Variants in MKLN1 observed in about 807,000 individuals in gnomAD.
MKLN1 encodes muskelin.
MKLN1 carries 18 observed loss-of-function variants against 99.0 expected under a neutral mutation model. That is an observed-to-expected ratio of 0.18 (90% CI 0.13 to 0.27). The LOEUF is 0.27. MKLN1 is among the 10% of genes least tolerant of loss of function. MKLN1 has a pLI of 1.00. For synonymous variants in MKLN1, 288 were observed against 293.2 expected, an observed-to-expected ratio of 0.98 and a Z score of 0.18; for missense variants, 621 against 875.9, an observed-to-expected ratio of 0.71 and a Z score of 3.67.
At chr7:131,447,054 G>T (rs562179834) in intron 12 of MKLN1, among the ~76,000 whole-genome samples, 6 of 152,196 alleles carry the variant, frequency 3.9e-5, no homozygotes, top group African/African-American at 1.4e-4. Flanking sequence ...TATAAAAAAG[G>T]AGACATTATC....
chr7:131,377,968 T>C (rs1373056308), intron 2 of MKLN1, among the ~76,000 whole-genome samples: 2 of 152,194 alleles, frequency 1.3e-5, no homozygotes, highest in East Asian at 3.8e-4. Context: ...TACTCAAATA[T>C]AACTGGGGTT....
chr7:131,451,436 G>A (rs1302260872), intron 12 of MKLN1, among the ~76,000 whole-genome samples: 6 of 151,938 alleles, frequency 3.9e-5, no homozygotes, highest in Admixed American at 6.6e-5. Context: ...TGAGATCACC[G>A]AGATGGTATA....
chr7:131,347,495 A>T lies in MKLN1; in HGVS notation c.98+19498A>T, dbSNP rs369351549. ...CTGAACCAAGAAGCCAAACAAAAAC[A>T]AAAAAAACCCAAAGACAAAAAACCC... On this transcript the variant is annotated intron_variant, in intron 1 of 17. Coordinates refer to ENST00000352689, the MANE Select transcript of MKLN1 (RefSeq NM_013255.5). 6.1e-4 allele frequency among the ~76,000 whole-genome samples: 92 copies of T among 152,032 alleles called. 1 individual carries two copies. Among genetic ancestry groups the T allele is most frequent in the Admixed American group, 2.2e-3 (33 of 15,250 alleles).
At chr7:131,189,492 T>C (rs961762257) in intron 2 of MKLN1, among the ~76,000 whole-genome samples, 2 of 151,296 alleles carry the variant, frequency 1.3e-5, no homozygotes, top group Non-Finnish European at 2.9e-5. Flanking sequence ...CTTCTTACGG[T>C]ATTTCAGAAT....
intron 1 of MKLN1, among the ~76,000 whole-genome samples, chr7:131,122,491 C>T (rs1451848345): frequency 6.6e-6 from 1 of 152,086 alleles, no homozygotes; most frequent in Non-Finnish European, 1.5e-5. Flanking sequence ...TAGGTGATGA[C>T]GAAAAGGGCA....
chr7:131,382,277 A>G (rs1447214661), intron 2 of MKLN1, among the ~76,000 whole-genome samples: 1 of 152,194 alleles, frequency 6.6e-6, no homozygotes, highest in Admixed American at 6.5e-5. Flanking sequence ...AGGCACAAGA[A>G]TCACTTGAAC....
chr7:131,330,826 T>C (rs1283121239), intron 1 of MKLN1, among the ~76,000 whole-genome samples: 1 of 152,200 alleles, frequency 6.6e-6, no homozygotes, highest in Non-Finnish European at 1.5e-5. Flanking sequence ...CAACTCTTTT[T>C]AATTTATTTG....
At chr7:131,308,225 C>T (rs1489406957) in intron 3 of MKLN1, among the ~76,000 whole-genome samples, 1 of 151,724 alleles carries the variant, frequency 6.6e-6, no homozygotes, top group South Asian at 2.1e-4. Context: ...GAGTCAATTA[C>T]ACCTCTTTTC....
Position 131,344,079 on chromosome 7 carries a change from A to G in MKLN1, c.98+16082A>G, listed in dbSNP as rs150382444. 3.2e-4 allele frequency among the ~76,000 whole-genome samples: 48 copies of G among 152,342 alleles called. No individual in the cohort carries two copies. The East Asian group carries it at 8.5e-3, about 27-fold the overall frequency. ...GATTCAATTTATATTTTAAAAACACAGACACATGATTTGTATGCCTGTGTA... is the reference window on the plus strand; with the variant it reads ...GATTCAATTTATATTTTAAAAACACGGACACATGATTTGTATGCCTGTGTA... On this transcript the variant is annotated intron_variant, in intron 1 of 17. Transcript: ENST00000352689.
chr7:131,376,288 C>T (rs1584669798), intron 2 of MKLN1, among the ~76,000 whole-genome samples: 3 of 144,272 alleles, frequency 2.1e-5, no homozygotes, highest in South Asian at 2.2e-4. Flanking sequence ...CATAAGGAGG[C>T]GAGGCTAGGC....
At chr7:131,333,476 A>C (rs1182990275) in intron 1 of MKLN1, among the ~76,000 whole-genome samples, 1 of 148,832 alleles carries the variant, frequency 6.7e-6, no homozygotes, top group Admixed American at 6.6e-5. Context: ...GTTTTATTTT[A>C]TTTTCATTTG....
chr7:131,420,125 C>A (rs1460986639), intron 8 of MKLN1, among the ~76,000 whole-genome samples: 1 of 151,226 alleles, frequency 6.6e-6, no homozygotes, highest in Non-Finnish European at 1.5e-5. Context: ...ACCAACATGG[C>A]AAATGTATAC....
Position 131,400,689 on chromosome 7 carries a change from A to G in MKLN1, c.703+1256A>G, listed in dbSNP as rs190157536. Among the ~76,000 whole-genome samples the G allele has an allele frequency of 1.5e-3, 230 of 151,956 alleles. 4 individuals carry two copies. The highest frequency in any genetic ancestry group is 5.2e-3 in the African/African-American group (216 of 41,502). On this transcript the variant is annotated intron_variant, in intron 6 of 17. Transcript: ENST00000352689. Reference sequence around the variant, plus strand: ...GTGAAGGGAAAGCAAAACAACAGCCACAGGCAACTCTACAGTTAATAAGCT... The same window carrying G: ...GTGAAGGGAAAGCAAAACAACAGCCGCAGGCAACTCTACAGTTAATAAGCT...
chr7:131,235,330 A>G (rs912580108), intron 3 of MKLN1, among the ~76,000 whole-genome samples: 4 of 151,282 alleles, frequency 2.6e-5, no homozygotes, highest in Non-Finnish European at 5.9e-5. Flanking sequence ...AGAGAGGGAG[A>G]GAGAGAGAGA....
intron 3 of MKLN1, among the ~76,000 whole-genome samples, chr7:131,241,350 C>T (rs924544528): frequency 6.8e-6 from 1 of 147,462 alleles, no homozygotes; most frequent in African/African-American, 2.5e-5. Flanking sequence ...TGCACTCCAG[C>T]CTGGAAGACA....
intron 15 of MKLN1, among the ~76,000 whole-genome samples, chr7:131,468,085 G>A (rs1297884890): frequency 2.6e-5 from 4 of 152,174 alleles, no homozygotes; most frequent in Non-Finnish European, 5.9e-5. Flanking sequence ...GGCAGAGGAA[G>A]AGACACTCCA....
At chr7:131,292,505 A>G (rs1364946888) in intron 3 of MKLN1, among the ~76,000 whole-genome samples, 1 of 152,190 alleles carries the variant, frequency 6.6e-6, no homozygotes, top group African/African-American at 2.4e-5. Context: ...TAATTAGTCA[A>G]GATACTGGAG....
At position 131,327,939 on chromosome 7, in the gene MKLN1, C is replaced by A. The variant is rs762523499; in HGVS notation, c.40C>A (p.Arg14=). The A allele has an allele frequency of 1.2e-6, 2 of 1,613,476 alleles. No individual in the cohort carries two copies. The highest frequency in any genetic ancestry group is 1.7e-6 in the Non-Finnish European group (2 of 1,179,850). ...AGCTGTCGCTGCGGCGCCCGAGTGCCGGCTTCTCCCCTACGCGCTACACAA... is the reference window on the plus strand; with the variant it reads ...AGCTGTCGCTGCGGCGCCCGAGTGCAGGCTTCTCCCCTACGCGCTACACAA... ...GGAVAAAPEC[R]LLPYALHKWS... is the part of the protein sequence containing the mutation. The change falls in exon 1 of 18, where the codon CGG becomes AGG. Residue 14 remains arginine, a synonymous_variant. Transcript: ENST00000352689.
Position 131,211,603 on chromosome 7 carries a change from T to TG in MKLN1, c.-179+8629_-179+8630insG, listed in dbSNP as rs202225730. On this transcript the variant is annotated intron_variant, in intron 3 of 7. Transcript: ENST00000416992. ...TAATTTATTACAACCAACCCTTGTG[T>TG]TTTTTTTTTTTTAACAGTTTTGGAT... is the stretch of plus-strand genomic sequence containing the variant. 6.6e-3 allele frequency among the ~76,000 whole-genome samples: 424 copies of TG among 64,270 alleles called. 2 individuals carry two copies. The highest frequency in any genetic ancestry group is 0.03 in the Middle Eastern group (4 of 132). The allele number at this position is 64,270 out of a possible 152,430, so 42.2% of individuals were successfully genotyped here. A position where few individuals can be genotyped will look rare whatever the true frequency, so the allele number is the denominator to read the frequency against.
Sources: gnomAD v4.1 joint callset for allele counts (sites outside exome capture counted in the v4.1 genomes callset) on GRCh38, gnomAD v4.1.1 for gene constraint, MANE v1.5 for transcripts, NCBI Gene and HGNC (gene_info 2026-07-23, HGNC 2026-07-21) for gene names.